The following ACAP3 variants were observed in gnomAD, a reference collection of about 807,000 sequenced individuals.
The protein encoded by ACAP3 is arf-GAP with coiled-coil, ANK repeat and PH domain-containing protein 3.
ACAP3 carries 56 observed loss-of-function variants against 104.1 expected under a neutral mutation model. The ratio of observed to expected loss-of-function variants is 0.54; its 90% CI spans 0.43 to 0.67. The LOEUF (loss-of-function observed/expected upper bound fraction) is 0.67. ACAP3 is among the 30% of genes least tolerant of loss of function. The pLI is 0.00. For missense variants in ACAP3, 1,208 were observed against 1,174.9 expected (o/e 1.03, Z -0.41); for synonymous variants, 628 against 496.2 (o/e 1.27, Z -3.53).
chr1:1,299,540 G>T, intron 9 of ACAP3, 184 bp from the exon 10 acceptor site: 1 of 816,806 alleles, frequency 1.2e-6, no homozygotes. Flanking sequence ...GCCCGGGATG[G>T]TGGCCGGGGC....
intron 16 of ACAP3, 33 bp downstream of exon 16, chr1:1,296,176 CGG>C: frequency 6.2e-7 from 1 of 1,600,408 alleles, no homozygotes; most frequent in Non-Finnish European, 8.5e-7. Context: ...CCCCCACAAA[CGG>C]GGTCCCGTGG....
Position 1,294,637 on chromosome 1 carries a change from AG to A in ACAP3, c.1913-10del. 6.5e-7 allele frequency: 1 copy of A among 1,529,324 alleles called. No individual in the cohort carries two copies. The allele number at this position is 1,529,324 out of a possible 1,614,324, so 94.7% of individuals were successfully genotyped here. On this transcript the variant is annotated splice_polypyrimidine_tract_variant and intron_variant, in intron 20 of 23. Transcript: ENST00000354700. ...CTCCGACTCTGCACCCTCTGTGGGG[AG>A]GGGGCGGTCAGGGAAAGCAACCCCC...
chr1:1,299,164 C>T (rs1325497741), intron 10 of ACAP3, 181 bp downstream of exon 10: 1 of 799,178 alleles, frequency 1.3e-6, no homozygotes, highest in African/African-American at 1.8e-5. Flanking sequence ...CTGCCGCCAA[C>T]CCCACGGGGA....
rs544125251 is a variant in ACAP3, at chr1:1,296,826, C to A, written c.1129-193G>T. ...CCTCGAGCACACGCCCGCACACGCACACACGCGCACACCCTCACGTGGACA... is the reference window on the plus strand; with the variant it reads ...CCTCGAGCACACGCCCGCACACGCAAACACGCGCACACCCTCACGTGGACA... On this transcript the variant is annotated intron_variant, in intron 14 of 23. Coordinates refer to ENST00000354700, the MANE Select transcript of ACAP3 (RefSeq NM_030649.3). Among the ~76,000 whole-genome samples, 200 of 146,868 alleles carry A rather than the reference C, an allele frequency of 1.4e-3. 2 individuals are homozygous for A. Among genetic ancestry groups the A allele is most frequent in the African/African-American group, 4.5e-3 (183 of 41,000 alleles).
rs1397104858 is a variant in ACAP3, at chr1:1,295,757, A to G, written c.1684T>C (p.Cys562Arg). 2 of 1,605,502 alleles carry G rather than the reference A, an allele frequency of 1.2e-6. No individual in the cohort carries two copies. The highest frequency in any genetic ancestry group is 1.1e-5 in the South Asian group (1 of 90,914). The change falls in exon 18 of 24, where the codon TGT (cysteine) becomes CGT (arginine). Residue 562 changes from cysteine (C) to arginine (R), a missense_variant. Physicochemically the swap from Cys to Arg is radical, Grantham distance 180. Coordinates refer to ENST00000354700, the MANE Select transcript of ACAP3 (RefSeq NM_030649.3). ...RKVRLEPVLP[C>R]VAALSSVGTL... The stretch of plus-strand genomic sequence containing the variant: ...CCACCTGAGGACAGAGCGGCCACAC[A>G]GGGCAGAACGGGCTCAAGCCGGACC...
In ACAP3 at chr1:1,303,733, G is replaced by A; in HGVS notation, c.105+353C>T. ...ACGGCTCCCCCCTCCACGGCCTGTT[G>A]CCCCCTCCCCTTTCTCAGCCCCAGC... On this transcript the variant is annotated intron_variant, in intron 2 of 23. Coordinates refer to ENST00000354700, the MANE Select transcript of ACAP3 (RefSeq NM_030649.3). The surrounding 1 kb of genome is among the most constrained non-coding windows in gnomAD (Gnocchi z 4.0). The A allele has an allele frequency of 2.4e-6, 1 of 422,982 alleles. No individual in the cohort carries two copies. The highest frequency in any genetic ancestry group is 2.8e-5 in the South Asian group (1 of 35,648). The allele number at this position is 422,982 out of a possible 1,614,324, so 26.2% of individuals were successfully genotyped here. A position where few individuals can be genotyped will look rare whatever the true frequency, so the allele number is the denominator to read the frequency against.
chr1:1,296,276 G>A lies in ACAP3; in HGVS notation c.1342C>T (p.Leu448=), dbSNP rs1749951. Residue 448 remains leucine, a synonymous_variant, in exon 16 of 24, where the codon CTG becomes TTG. Transcript: ENST00000354700. ...CIECSGIHRS[L]GVHCSKVRSL... ...CGCACCTTGGAGCAGTGGACACCCA[G>A]GCTCCTGGAGAGCAGAGGTAGGGAT... The A allele has an allele frequency of 0.044, 68,920 of 1,556,734 alleles. 1,875 individuals carry two copies. The highest frequency in any genetic ancestry group is 0.11 in the East Asian group (4,350 of 41,424).
chr1:1,297,813 G>C lies in ACAP3; in HGVS notation c.1128+9C>G, dbSNP rs538927057. The C allele has an allele frequency of 1.2e-6, 2 of 1,608,072 alleles. No individual in the cohort carries two copies. Among genetic ancestry groups the C allele is most frequent in the African/African-American group, 2.7e-5 (2 of 74,708 alleles). ...CACGGGCTTGGGGCAGGGGCACCAA[G>C]GGCCACACCTCGCTATAGCAACTGT... On this transcript the variant is annotated intron_variant, in intron 14 of 23. Transcript: ENST00000354700.
At chr1:1,299,487 T>C in intron 9 of ACAP3, 131 bp from the exon 10 acceptor site, 1 of 1,146,900 alleles carries the variant, frequency 8.7e-7, no homozygotes, top group Non-Finnish European at 1.2e-6. Context: ...TGGGGGGCTC[T>C]CCCCTATCCC....
In ACAP3 at chr1:1,298,437, G is replaced by T; in HGVS notation, c.864-16C>A. 2 of 1,598,190 alleles carry T rather than the reference G, an allele frequency of 1.3e-6. No homozygotes were observed. The highest frequency in any genetic ancestry group is 1.3e-5 in the African/African-American group (1 of 74,578). ...GAACCAGCGCCTAGGTGGGTGGGGG[G>T]ATGTGGGGAGTCAGGCGGGGCCCAT... is the stretch of plus-strand genomic sequence containing the variant. On this transcript the variant is annotated splice_polypyrimidine_tract_variant and intron_variant, in intron 11 of 23. Transcript: ENST00000354700.
chr1:1,295,215 AC>A (rs1432311536), intron 19 of ACAP3, among the ~76,000 whole-genome samples: 2 of 151,738 alleles, frequency 1.3e-5, no homozygotes, highest in African/African-American at 4.8e-5. Flanking sequence ...CTTCCCCAGC[AC>A]CCCGGGCCAC....
chr1:1,295,692 C>G (rs918169647), intron 18 of ACAP3, 44 bp downstream of exon 18: 1 of 1,567,704 alleles, frequency 6.4e-7, no homozygotes, highest in Admixed American at 1.8e-5. Flanking sequence ...CCATCCCCGA[C>G]CAAGGCAAGC....
chr1:1,297,957 G>T (rs776840219), intron 13 of ACAP3, 24 bp from the exon 14 acceptor site: 1 of 1,610,922 alleles, frequency 6.2e-7, no homozygotes, highest in Non-Finnish European at 8.5e-7. Context: ...AGGGGCGGGC[G>T]TCAGCTCCGG....
At chr1:1,294,050 T>TGGTCGGGGCACA in intron 22 of ACAP3, 40 bp downstream of exon 22, 1 of 1,516,918 alleles carries the variant, frequency 6.6e-7, no homozygotes, top group Non-Finnish European at 8.8e-7. Flanking sequence ...GGGGTAGGCG[T>TGGTCGGGGCACA]GGTCGGGGCA....
At chr1:1,305,551 C>T (rs1207890650) in intron 1 of ACAP3, 3 of 152,204 alleles carry the variant, frequency 2.0e-5, no homozygotes, top group African/African-American at 2.4e-5. Context: ...CACCCAGGAG[C>T]TCACGGACGT....
intron 12 of ACAP3, 87 bp downstream of exon 12, chr1:1,298,283 C>G: frequency 1.3e-6 from 2 of 1,593,016 alleles, no homozygotes; most frequent in Non-Finnish European, 1.7e-6. Flanking sequence ...TGCCCCGGCC[C>G]TGTGCTAACC....
At chr1:1,301,929 CCCT>C (rs1455139798) in intron 5 of ACAP3, 56 bp downstream of exon 5, 1 of 1,463,802 alleles carries the variant, frequency 6.8e-7, no homozygotes, top group African/African-American at 1.4e-5. Context: ...GACCCCCTTC[CCCT>C]CCAAGGGAGG....
Position 1,296,043 on chromosome 1 carries a change from T to A in ACAP3, c.1474A>T (p.Ser492Cys). ...GAGCTGCTGGCTGTGGGTTTCCTGCTGCCTGCACCCTCACACTGGGCCTCA... is the reference window on the plus strand; with the variant it reads ...GAGCTGCTGGCTGTGGGTTTCCTGCAGCCTGCACCCTCACACTGGGCCTCA... ...IYEAQCEGAG[S>C]RKPTASSSRQ... The change falls in exon 17 of 24, where the codon AGC becomes TGC. Residue 492 changes from serine to cysteine, a missense_variant. By Grantham distance (112) the Ser-to-Cys change is moderately radical. Transcript: ENST00000354700. 1.2e-6 allele frequency: 2 copies of A among 1,612,820 alleles called. No individual in the cohort carries two copies. Among genetic ancestry groups the A allele is most frequent in the Non-Finnish European group, 1.7e-6 (2 of 1,179,980 alleles).
chr1:1,299,375 AG>A lies in ACAP3; in HGVS notation c.739-20del, dbSNP rs1157067487. ...GCAGCGTCTGGAGGGCCGGAGCAGG[AG>A]GGGGTAGGGGGAGAAAGCCAGTGAG... On this transcript the variant is annotated intron_variant, in intron 9 of 23. Transcript: ENST00000354700. The A allele has an allele frequency of 7.8e-6, 12 of 1,538,380 alleles. No homozygotes were observed. In the East Asian group the frequency reaches 1.6e-4, roughly 21 times the overall value.
Sources: allele counts gnomAD v4.1 joint callset (sites outside exome capture counted in the v4.1 genomes callset), GRCh38; gene constraint gnomAD v4.1.1; non-coding constraint Gnocchi (gnomAD v3.1); transcripts MANE v1.5; gene names NCBI Gene and HGNC (gene_info 2026-07-23, HGNC 2026-07-21).